The following SRFBP1 variants were observed in gnomAD, a reference collection of about 807,000 sequenced individuals.
The protein encoded by SRFBP1 is serum response factor-binding protein 1.
In SRFBP1, 47 loss-of-function variants were observed where a neutral mutation model predicts 45.5. That is an observed-to-expected ratio of 1.03 (90% CI 0.82 to 1.32). The LOEUF (loss-of-function observed/expected upper bound fraction) is 1.32, where lower values mean the gene tolerates loss of function less well. Among genes scored for constraint, SRFBP1 ranks in the 40% most tolerant of loss-of-function variants. The pLI, the probability that SRFBP1 is intolerant of heterozygous loss-of-function variation, is 0.00. For synonymous variants in SRFBP1, 203 were observed against 166.3 expected (o/e 1.22, Z -1.70); for missense variants, 621 against 484.6 (o/e 1.28, Z -2.64).
At chr5:121,995,109 A>T (rs553635162) in intron 4 of SRFBP1, among the ~76,000 whole-genome samples, 1 of 151,818 alleles carries the variant, frequency 6.6e-6, no homozygotes, top group Admixed American at 6.6e-5. Flanking sequence ...GATCAACGAG[A>T]CAGAAAGTCA....
intron 2 of SRFBP1, among the ~76,000 whole-genome samples, chr5:122,037,214 A>C (rs1394377772): frequency 6.6e-6 from 1 of 152,156 alleles, no homozygotes; most frequent in Admixed American, 6.6e-5. Flanking sequence ...GAGTCTAGTG[A>C]ATCATTGAGC....
At chr5:122,036,790 G>A (rs1404250160) in intron 2 of SRFBP1, among the ~76,000 whole-genome samples, 1 of 151,948 alleles carries the variant, frequency 6.6e-6, no homozygotes, top group Non-Finnish European at 1.5e-5. Context: ...TTTGTCCTAG[G>A]TTTTGCCCCA....
intron 2 of SRFBP1, among the ~76,000 whole-genome samples, chr5:122,068,794 C>G (rs2152586256): frequency 6.6e-6 from 1 of 152,024 alleles, no homozygotes; most frequent in Admixed American, 6.5e-5. Context: ...CATCAACAAA[C>G]AGTACAAAAA....
rs561190170 is a variant in SRFBP1, at chr5:122,052,329, C to G, written n.312-22986C>G. 6.6e-5 allele frequency among the ~76,000 whole-genome samples: 10 copies of G among 152,256 alleles called. No homozygotes were observed. In the South Asian group the frequency reaches 1.7e-3, roughly 25 times the overall value. On this transcript the variant is annotated intron_variant and non_coding_transcript_variant, in intron 2 of 2. Transcript: ENST00000504881. ...GGGGGAAGTTTTCATGCATGATATT[C>G]TGAAATATGTTTTTCAAGTTGTTTG...
At chr5:121,981,878 A>G (rs1561579480) in intron 3 of SRFBP1, among the ~76,000 whole-genome samples, 1 of 151,922 alleles carries the variant, frequency 6.6e-6, no homozygotes, top group African/African-American at 2.4e-5. Context: ...GGGTTATTTT[A>G]CTCAATTAAT....
chr5:122,024,352 AAT>A (rs893863748), intron 7 of SRFBP1, among the ~76,000 whole-genome samples: 27 of 152,104 alleles, frequency 1.8e-4, no homozygotes, highest in African/African-American at 5.8e-4. Context: ...GCCAATGCCA[AAT>A]TTTTATGTTA....
At chr5:122,025,910 G>A (rs1397643707) in intron 7 of SRFBP1, among the ~76,000 whole-genome samples, 1 of 152,100 alleles carries the variant, frequency 6.6e-6, no homozygotes, top group Non-Finnish European at 1.5e-5. Flanking sequence ...AGATCAGCCT[G>A]ACCAATATGT....
At chr5:122,021,845 TTTTG>T in intron 6 of SRFBP1, among the ~76,000 whole-genome samples, 1 of 150,498 alleles carries the variant, frequency 6.6e-6, no homozygotes, top group East Asian at 2.0e-4. Flanking sequence ...CCCGGCTAAT[TTTTG>T]TTTTTTTTTT....
At chr5:122,062,360 T>C (rs1041427441) in intron 2 of SRFBP1, among the ~76,000 whole-genome samples, 2 of 151,974 alleles carry the variant, frequency 1.3e-5, no homozygotes, top group Non-Finnish European at 2.9e-5. Context: ...GTGTTAATCC[T>C]CTACTAATAT....
chr5:122,027,201 C>A lies in SRFBP1; in HGVS notation c.*75C>A. On this transcript the variant is annotated 3_prime_UTR_variant, in exon 8 of 8. Coordinates refer to ENST00000339397, the MANE Select transcript of SRFBP1 (RefSeq NM_152546.3). ...TTTAAGACAGGATCTCATTCTGTTGCCCAGACTAGAGTACAATATTGCAAT... is the reference window on the plus strand; with the variant it reads ...TTTAAGACAGGATCTCATTCTGTTGACCAGACTAGAGTACAATATTGCAAT... 8.2e-7 allele frequency: 1 copy of A among 1,220,886 alleles called. No individual in the cohort carries two copies. Among genetic ancestry groups the A allele is most frequent in the Non-Finnish European group, 1.1e-6 (1 of 874,534 alleles). 75.6% of individuals were successfully genotyped at this position (1,220,886 alleles called of 1,614,324 possible).
intron 2 of SRFBP1, among the ~76,000 whole-genome samples, chr5:122,072,907 A>G (rs1331821724): frequency 6.6e-6 from 1 of 152,194 alleles, no homozygotes; most frequent in Non-Finnish European, 1.5e-5. Context: ...GGTCCCTTGC[A>G]CAGGACTTGC....
intron 3 of SRFBP1, among the ~76,000 whole-genome samples, chr5:121,983,099 C>G (rs1042572687): frequency 2.6e-5 from 4 of 151,132 alleles, no homozygotes; most frequent in Non-Finnish European, 5.9e-5. Context: ...TAGAGAAAAG[C>G]AGCAATAAGA....
At chr5:121,981,712 A>G (rs911731078) in intron 3 of SRFBP1, among the ~76,000 whole-genome samples, 1 of 152,060 alleles carries the variant, frequency 6.6e-6, no homozygotes, top group Middle Eastern at 3.4e-3. Flanking sequence ...TACTTGCTCT[A>G]GGAAACTTTC....
At chr5:122,016,252 C>T (rs1413688848) in intron 4 of SRFBP1, among the ~76,000 whole-genome samples, 2 of 152,154 alleles carry the variant, frequency 1.3e-5, no homozygotes, top group African/African-American at 4.8e-5. Context: ...TTTCTTGTCT[C>T]CTATGCCATT....
chr5:121,999,638 C>G (rs1422499198), intron 4 of SRFBP1, among the ~76,000 whole-genome samples: 1 of 151,830 alleles, frequency 6.6e-6, no homozygotes, highest in African/African-American at 2.4e-5. Flanking sequence ...GATATGTAAA[C>G]TTTTAGGATT....
intron 4 of SRFBP1, among the ~76,000 whole-genome samples, chr5:121,996,150 C>G (rs1170412106): frequency 4.7e-5 from 7 of 147,574 alleles, no homozygotes; most frequent in Admixed American, 2.0e-4. Flanking sequence ...GGAATCCTCC[C>G]TAACTCATTT....
At chr5:122,074,929 A>G (rs1754573223) in intron 2 of SRFBP1, among the ~76,000 whole-genome samples, 1 of 152,232 alleles carries the variant, frequency 6.6e-6, no homozygotes, top group African/African-American at 2.4e-5. Context: ...TTTAGGATAG[A>G]AAAGGCAACC....
At chr5:121,995,285 G>A (rs1287239975) in intron 4 of SRFBP1, among the ~76,000 whole-genome samples, 2 of 151,970 alleles carry the variant, frequency 1.3e-5, no homozygotes, top group Non-Finnish European at 2.9e-5. Context: ...CTCAGCAAAT[G>A]TAAAAGAACA....
At chr5:121,979,657 G>A (rs536267665) in intron 3 of SRFBP1, among the ~76,000 whole-genome samples, 1 of 152,146 alleles carries the variant, frequency 6.6e-6, no homozygotes, top group African/African-American at 2.4e-5. Context: ...AGTAATAATT[G>A]TAAGGGTGCA....
Sources: gnomAD v4.1 joint callset for allele counts (sites outside exome capture counted in the v4.1 genomes callset) on GRCh38, gnomAD v4.1.1 for gene constraint, MANE v1.5 for transcripts, NCBI Gene and HGNC (gene_info 2026-07-23, HGNC 2026-07-21) for gene names.